DNM2: variants seen among roughly 807,000 people sequenced by gnomAD.
DNM2 encodes the protein dynamin 2.
A neutral mutation model predicts 99.0 loss-of-function variants in DNM2; 15 were observed. The observed-to-expected ratio is 0.15, with a 90% confidence interval of 0.10 to 0.23. The LOEUF is 0.23. Among genes scored for constraint, DNM2 ranks in the 10% least tolerant of loss-of-function variants. The pLI is 1.00. For missense variants in DNM2, 742 were observed against 1,189.4 expected (o/e 0.62, Z 5.53); for synonymous variants, 525 against 481.2 (o/e 1.09, Z -1.19).
rs983553800 is a variant in DNM2, at chr19:10,817,802, T to C, written c.1672-2178T>C. 7.9e-5 allele frequency among the ~76,000 whole-genome samples: 10 copies of C among 126,042 alleles called. No individual in the cohort carries two copies. In the East Asian group the frequency reaches 1.3e-3, roughly 16 times the overall value. The allele number at this position is 126,042 out of a possible 152,430, so 82.7% of individuals were successfully genotyped here. The stretch of plus-strand genomic sequence containing the variant: ...TGGGGAGGAGGGGCGCACACACACG[T>C]GTGTGTGTGTGTGTGCGCGCGCGCG... On this transcript the variant is annotated intron_variant, in intron 15 of 20. Coordinates refer to ENST00000389253, the MANE Select transcript of DNM2 (RefSeq NM_001005361.3). This position sits in a 1 kb window ranked among gnomAD's most constrained non-coding sequence, Gnocchi z 4.6.
intron 16 of DNM2, chr19:10,823,234 A>AG (rs1393026783): frequency 1.3e-5 from 2 of 148,704 alleles, no homozygotes; most frequent in African/African-American, 5.0e-5. Flanking sequence ...GAGAAACCCC[A>AG]TCTCTACTAA....
intron 9 of DNM2, among the ~76,000 whole-genome samples, chr19:10,797,156 G>A (rs1599571978): frequency 6.6e-6 from 1 of 151,900 alleles, no homozygotes; most frequent in Admixed American, 6.6e-5. Flanking sequence ...ACAACCCCCC[G>A]TGGCCCTTCT....
At chr19:10,793,071 A>G (rs1053752367) in intron 7 of DNM2, among the ~76,000 whole-genome samples, 1 of 152,196 alleles carries the variant, frequency 6.6e-6, no homozygotes, top group Non-Finnish European at 1.5e-5. Flanking sequence ...GTGTGAAACC[A>G]GGTGTCTTTG....
At position 10,831,395 on chromosome 19, in the gene DNM2, T is replaced by C. The variant is rs904110921; in HGVS notation, c.*348T>C. 9 of 1,068,126 alleles carry C rather than the reference T, an allele frequency of 8.4e-6. No individual in the cohort carries two copies. The African/African-American group carries it at 1.3e-4, about 16-fold the overall frequency. The allele number at this position is 1,068,126 out of a possible 1,614,324, so 66.2% of individuals were successfully genotyped here. ...GGTCTTCTTGGGCTGGGAAAGCCCA[T>C]GTAGGGCAGGCCTTCTATAAGTGCG... is the stretch of plus-strand genomic sequence containing the variant. On this transcript the variant is annotated 3_prime_UTR_variant, in exon 21 of 21. Transcript: ENST00000389253. The surrounding 1 kb of genome is among the most constrained non-coding windows in gnomAD (Gnocchi z 4.3).
At chr19:10,751,396 A>G (rs1246802679) in intron 1 of DNM2, among the ~76,000 whole-genome samples, 2 of 152,130 alleles carry the variant, frequency 1.3e-5, no homozygotes, top group African/African-American at 2.4e-5. Flanking sequence ...CAGAATGCGG[A>G]TGGGATCAAC....
At chr19:10,742,778 G>A (rs1483753120) in intron 1 of DNM2, among the ~76,000 whole-genome samples, 4 of 152,090 alleles carry the variant, frequency 2.6e-5, no homozygotes, top group Non-Finnish European at 4.4e-5. Flanking sequence ...CCAATAGACC[G>A]GATGACTTAA....
intron 15 of DNM2, among the ~76,000 whole-genome samples, chr19:10,815,349 G>T (rs994033868): frequency 3.9e-5 from 6 of 152,194 alleles, no homozygotes; most frequent in Admixed American, 6.5e-5. Context: ...GTTTCTGAGC[G>T]TGACAGCTGG....
chr19:10,749,192 A>G (rs1384414361), intron 1 of DNM2, among the ~76,000 whole-genome samples: 2 of 152,080 alleles, frequency 1.3e-5, no homozygotes, highest in African/African-American at 4.8e-5. Flanking sequence ...TCTCCCTCCC[A>G]TGGGAAGGCT....
chr19:10,749,221 C>G (rs889893125), intron 1 of DNM2, among the ~76,000 whole-genome samples: 1 of 152,308 alleles, frequency 6.6e-6, no homozygotes, highest in South Asian at 2.1e-4. Flanking sequence ...GAGCCTGCAT[C>G]GTTCCTGCAC....
At chr19:10,720,509 C>T (rs1043126814) in intron 1 of DNM2, among the ~76,000 whole-genome samples, 10 of 151,930 alleles carry the variant, frequency 6.6e-5, no homozygotes, top group East Asian at 1.9e-4. Flanking sequence ...CACCAAGCCT[C>T]GCCCCAGGAG....
chr19:10,806,970 G>A (rs749781911), intron 13 of DNM2, among the ~76,000 whole-genome samples: 1 of 152,092 alleles, frequency 6.6e-6, no homozygotes, highest in Non-Finnish European at 1.5e-5. Flanking sequence ...CCCACACCTG[G>A]AGAAGCCCTG....
chr19:10,752,944 T>C (rs2070249118), intron 1 of DNM2, among the ~76,000 whole-genome samples: 2 of 152,124 alleles, frequency 1.3e-5, no homozygotes, highest in Admixed American at 6.6e-5. Flanking sequence ...AGACTCTGTC[T>C]GTTAAAGAAA....
chr19:10,787,090 T>C (rs1294831739), intron 7 of DNM2, among the ~76,000 whole-genome samples: 2 of 152,018 alleles, frequency 1.3e-5, no homozygotes. Flanking sequence ...TCCCAGCACT[T>C]TGGGAGGCCA....
intron 1 of DNM2, among the ~76,000 whole-genome samples, chr19:10,726,160 AG>A (rs1191309023): frequency 1.3e-5 from 2 of 150,468 alleles, no homozygotes; most frequent in African/African-American, 4.9e-5. Context: ...CGGAGGTTGC[AG>A]TGAGCCGAGA....
At chr19:10,800,822 G>T (rs951588685) in intron 11 of DNM2, among the ~76,000 whole-genome samples, 1 of 152,258 alleles carries the variant, frequency 6.6e-6, no homozygotes, top group Admixed American at 6.5e-5. Flanking sequence ...AAGGATGAGG[G>T]AGGGAGAGTT....
chr19:10,830,617 G>A lies in DNM2; in HGVS notation c.2543+239G>A. 1 of 606,784 alleles carries A rather than the reference G, an allele frequency of 1.6e-6. No homozygotes were observed. The highest frequency in any genetic ancestry group is 2.1e-5 in the South Asian group (1 of 47,692). The allele number at this position is 606,784 out of a possible 1,614,324, so 37.6% of individuals were successfully genotyped here. ...TCCCAGCTTGCCCTCTGCCTACTGGGGTGTGCCACCAGGCAGCTGGGGAAC... is the reference window on the plus strand; with the variant it reads ...TCCCAGCTTGCCCTCTGCCTACTGGAGTGTGCCACCAGGCAGCTGGGGAAC... On this transcript the variant is annotated intron_variant, in intron 20 of 20. Transcript: ENST00000389253. This position sits in a 1 kb window ranked among gnomAD's most constrained non-coding sequence, Gnocchi z 4.8.
chr19:10,751,198 T>G (rs1017725741), intron 1 of DNM2, among the ~76,000 whole-genome samples: 1 of 152,070 alleles, frequency 6.6e-6, no homozygotes, highest in Non-Finnish European at 1.5e-5. Context: ...GGAATCACTC[T>G]GAGCTTGGCA....
intron 7 of DNM2, among the ~76,000 whole-genome samples, chr19:10,788,686 G>A (rs1263665750): frequency 6.6e-6 from 1 of 152,198 alleles, no homozygotes; most frequent in Non-Finnish European, 1.5e-5. Context: ...TGGGAAGCAG[G>A]TGTGCCCCCA....
At chr19:10,752,450 A>T (rs1346160936) in intron 1 of DNM2, among the ~76,000 whole-genome samples, 1 of 152,202 alleles carries the variant, frequency 6.6e-6, no homozygotes, top group Non-Finnish European at 1.5e-5. Context: ...CGTCTGGGGC[A>T]TCACCATTGT....
Sources: gnomAD v4.1 joint callset for allele counts (sites outside exome capture counted in the v4.1 genomes callset) on GRCh38, gnomAD v4.1.1 for gene constraint, Gnocchi (gnomAD v3.1) non-coding constraint, MANE v1.5 for transcripts, NCBI Gene and HGNC (gene_info 2026-07-23, HGNC 2026-07-21) for gene names.